SMIM35: variants seen among roughly 807,000 people sequenced by gnomAD.
SMIM35 encodes TMPRSS4 antisense RNA 1 (non-protein coding).
chr11:118,058,258 T>C (rs1944345764), intron 1 of SMIM35, among the ~76,000 whole-genome samples: 1 of 152,150 alleles, frequency 6.6e-6, no homozygotes, highest in South Asian at 2.1e-4. Flanking sequence ...CTCTCAGGAC[T>C]TCCCTGCAGC....
chr11:118,028,900 G>T, intron 1 of SMIM35: 1 of 427,428 alleles, frequency 2.3e-6, no homozygotes, highest in Middle Eastern at 3.4e-4. Flanking sequence ...GGAGGGGAAG[G>T]AGGACAGGAG....
At chr11:118,020,215 A>C (rs2058216058) in intron 1 of SMIM35, among the ~76,000 whole-genome samples, 1 of 152,188 alleles carries the variant, frequency 6.6e-6, no homozygotes. Context: ...GCAGTGAGCC[A>C]AGATCGCACT....
chr11:118,071,138 C>T (rs756637032), intron 1 of SMIM35, among the ~76,000 whole-genome samples: 9 of 152,190 alleles, frequency 5.9e-5, no homozygotes, highest in Admixed American at 1.3e-4. Flanking sequence ...GAAGAAAATG[C>T]GTCCTGCCAT....
In SMIM35 at chr11:118,014,416, GGA is replaced by G. The variant is rs1271269461; in HGVS notation, c.158+290_158+291del. Reference sequence around the variant, plus strand: ...TGGATGGATGGATGGATGGATGGATGGATGGATGGATGGATGAATGGATGGAT... The same window carrying G: ...TGGATGGATGGATGGATGGATGGATGTGGATGGATGGATGAATGGATGGAT... On this transcript the variant is annotated intron_variant, in intron 3 of 4. Coordinates refer to ENST00000689828, the MANE Select transcript of SMIM35 (RefSeq NM_001394165.1). Among the ~76,000 whole-genome samples, 66 of 151,770 alleles carry G rather than the reference GGA, an allele frequency of 4.3e-4. 1 individual carries two copies. In the Middle Eastern group the frequency reaches 0.01, roughly 23 times the overall value.
intron 1 of SMIM35, among the ~76,000 whole-genome samples, chr11:118,049,497 C>G (rs973432847): frequency 3.3e-5 from 5 of 151,672 alleles, no homozygotes; most frequent in Non-Finnish European, 5.9e-5. Context: ...TACAGGCACA[C>G]ACCACCACGC....
intron 4 of SMIM35, among the ~76,000 whole-genome samples, chr11:118,013,177 C>A (rs2058159208): frequency 6.6e-6 from 1 of 152,140 alleles, no homozygotes; most frequent in African/African-American, 2.4e-5. Context: ...CAATGAGGGG[C>A]CAGGCCAGGC....
chr11:118,076,084 A>G (rs1371904131), intron 1 of SMIM35, among the ~76,000 whole-genome samples: 2 of 152,220 alleles, frequency 1.3e-5, no homozygotes, highest in African/African-American at 4.8e-5. Flanking sequence ...CCTGGCCAAC[A>G]TGGCAAAACC....
intron 1 of SMIM35, among the ~76,000 whole-genome samples, chr11:118,063,656 C>A (rs1340339356): frequency 1.3e-5 from 2 of 152,146 alleles, no homozygotes; most frequent in African/African-American, 4.8e-5. Context: ...TTAAGCCCCA[C>A]CCCTAAACTT....
At chr11:118,028,322 C>A (rs1034286495) in intron 1 of SMIM35, among the ~76,000 whole-genome samples, 1 of 152,180 alleles carries the variant, frequency 6.6e-6, no homozygotes, top group Non-Finnish European at 1.5e-5. Flanking sequence ...GAAAAACATG[C>A]CCTAAGGCTC....
chr11:118,074,640 G>C (rs1013831813), intron 1 of SMIM35, among the ~76,000 whole-genome samples: 2 of 152,012 alleles, frequency 1.3e-5, no homozygotes, highest in African/African-American at 4.8e-5. Context: ...CCAGCTACTT[G>C]GGGGACTGAG....
chr11:118,073,317 C>A (rs972538045), intron 1 of SMIM35, among the ~76,000 whole-genome samples: 1 of 152,114 alleles, frequency 6.6e-6, no homozygotes, highest in African/African-American at 2.4e-5. Context: ...AAGAAGATGG[C>A]GTGCAAGAGG....
At chr11:118,081,507 G>A (rs539024352) in intron 1 of SMIM35, among the ~76,000 whole-genome samples, 5 of 152,312 alleles carry the variant, frequency 3.3e-5, no homozygotes, top group African/African-American at 4.8e-5. Flanking sequence ...CAGCTTCCTC[G>A]CATAATCCAC....
At chr11:118,068,058 A>G (rs1016868352) in intron 1 of SMIM35, among the ~76,000 whole-genome samples, 1 of 151,740 alleles carries the variant, frequency 6.6e-6, no homozygotes, top group African/African-American at 2.4e-5. Context: ...GTCTGTGTCC[A>G]AATTCCTTAC....
At chr11:118,029,751 C>T (rs910539647) in intron 1 of SMIM35, 1 of 457,416 alleles carries the variant, frequency 2.2e-6, no homozygotes, top group Non-Finnish European at 4.4e-6. Context: ...CACCAGACTG[C>T]CAAAGCCCCC....
intron 1 of SMIM35, among the ~76,000 whole-genome samples, chr11:118,051,651 GCAGA>G (rs1944215335): frequency 6.6e-6 from 1 of 152,120 alleles, no homozygotes; most frequent in South Asian, 2.1e-4. Flanking sequence ...TCACTACAGT[GCAGA>G]CAGTGTAACA....
At position 118,005,770 on chromosome 11, in the gene SMIM35, T is replaced by G. The variant is rs1262192015; in HGVS notation, c.*640A>C. 3.3e-5 allele frequency: 5 copies of G among 152,684 alleles called. No homozygotes were observed. Among genetic ancestry groups the G allele is most frequent in the Non-Finnish European group, 7.3e-5 (5 of 68,284 alleles). The allele number at this position is 152,684 out of a possible 1,614,324, so 9.5% of individuals were successfully genotyped here. A position where few individuals can be genotyped will look rare whatever the true frequency, so the allele number is the denominator to read the frequency against. ...TCTCCCCTGGACCACCATGAGGCTC[T>G]GTCCTGCTCCTCTGCATCCACTCCT... On this transcript the variant is annotated 3_prime_UTR_variant, in exon 5 of 5. Coordinates refer to ENST00000689828, the MANE Select transcript of SMIM35 (RefSeq NM_001394165.1).
intron 1 of SMIM35, among the ~76,000 whole-genome samples, chr11:118,077,591 T>A (rs1944756387): frequency 6.6e-6 from 1 of 152,218 alleles, no homozygotes; most frequent in Non-Finnish European, 1.5e-5. Context: ...ATCCTGCATG[T>A]TCTTTTGCCC....
intron 1 of SMIM35, among the ~76,000 whole-genome samples, chr11:118,050,838 A>G (rs904149303): frequency 1.3e-5 from 2 of 152,178 alleles, no homozygotes; most frequent in Non-Finnish European, 2.9e-5. Flanking sequence ...ACAGGGATGC[A>G]TCTTGAATCC....
chr11:118,083,108 T>G (rs1007336056), intron 1 of SMIM35, among the ~76,000 whole-genome samples: 3 of 152,078 alleles, frequency 2.0e-5, no homozygotes, highest in Non-Finnish European at 4.4e-5. Flanking sequence ...CTCAGAGCCC[T>G]TATCTGACCC....
Sources: allele counts gnomAD v4.1 joint callset (sites outside exome capture counted in the v4.1 genomes callset), GRCh38; gene constraint gnomAD v4.1.1; transcripts MANE v1.5; gene names NCBI Gene and HGNC (gene_info 2026-07-23, HGNC 2026-07-21).